The following RORB variants were observed in gnomAD, a reference collection of about 807,000 sequenced individuals.
The protein encoded by RORB is RAR related orphan receptor B.
In RORB, 6 loss-of-function variants were observed where a neutral mutation model predicts 59.1. That is an observed-to-expected ratio of 0.10 (90% CI 0.06 to 0.20). The LOEUF (loss-of-function observed/expected upper bound fraction) is 0.20, where lower values mean the gene tolerates loss of function less well. Ranked by LOEUF, RORB falls within the 10% of genes least tolerant of loss-of-function variation. The pLI is 1.00. For synonymous variants in RORB, 215 were observed against 204.5 expected, an observed-to-expected ratio of 1.05 and a Z score of -0.44; for missense variants, 320 against 560.5, an observed-to-expected ratio of 0.57 and a Z score of 4.33.
At chr9:74,582,860 T>C (rs1822744759) in intron 1 of RORB, among the ~76,000 whole-genome samples, 1 of 152,142 alleles carries the variant, frequency 6.6e-6, no homozygotes, top group African/African-American at 2.4e-5. Context: ...ATCTGAGTAG[T>C]GTATCTTGCA....
intron 9 of RORB, among the ~76,000 whole-genome samples, chr9:74,673,422 T>C (rs1400925891): frequency 1.3e-5 from 2 of 152,084 alleles, no homozygotes; most frequent in Non-Finnish European, 2.9e-5. Context: ...TCCGCTTGTA[T>C]GAAAACCATG....
intron 1 of RORB, among the ~76,000 whole-genome samples, chr9:74,566,038 T>G (rs1331508739): frequency 6.6e-6 from 1 of 152,152 alleles, no homozygotes; most frequent in African/African-American, 2.4e-5. Flanking sequence ...TTAATATGGG[T>G]GAAAAAGACC....
intron 1 of RORB, among the ~76,000 whole-genome samples, chr9:74,511,321 G>T (rs753587514): frequency 9.2e-5 from 14 of 152,082 alleles, no homozygotes; most frequent in Non-Finnish European, 1.2e-4. Context: ...ATGCAAAATT[G>T]TATGTACTAT....
chr9:74,628,011 A>G (rs1312001946), intron 1 of RORB, among the ~76,000 whole-genome samples: 1 of 152,198 alleles, frequency 6.6e-6, no homozygotes, highest in Non-Finnish European at 1.5e-5. Flanking sequence ...GTGCTTCTAC[A>G]TAAAATATCT....
chr9:74,633,884 T>G (rs1188427790), intron 2 of RORB, among the ~76,000 whole-genome samples: 2 of 152,050 alleles, frequency 1.3e-5, no homozygotes, highest in African/African-American at 2.4e-5. Flanking sequence ...TTTTCTTTTT[T>G]CAATGGTGTG....
chr9:74,601,673 C>A (rs1011974788), intron 1 of RORB, among the ~76,000 whole-genome samples: 1 of 152,120 alleles, frequency 6.6e-6, no homozygotes, highest in African/African-American at 2.4e-5. Flanking sequence ...GACTTCCTAC[C>A]GTGGGACATT....
chr9:74,547,102 A>G (rs921462695), intron 1 of RORB, among the ~76,000 whole-genome samples: 1 of 152,190 alleles, frequency 6.6e-6, no homozygotes, highest in African/African-American at 2.4e-5. Flanking sequence ...TCAAAAAAAT[A>G]AATTGTTGGA....
chr9:74,535,190 A>G (rs1226201925), intron 1 of RORB, among the ~76,000 whole-genome samples: 2 of 151,910 alleles, frequency 1.3e-5, no homozygotes, highest in Admixed American at 1.3e-4. Flanking sequence ...GTCTGTGTGT[A>G]CAACATTTTA....
intron 4 of RORB, 56 bp downstream of exon 4, chr9:74,642,871 T>A: frequency 7.3e-7 from 1 of 1,360,716 alleles, no homozygotes; most frequent in Non-Finnish European, 1.0e-6. Context: ...TGAATTTACC[T>A]TGGTCCTATT....
intron 1 of RORB, among the ~76,000 whole-genome samples, chr9:74,611,608 T>C (rs7869723): frequency 0.46 from 69,394 of 151,972 alleles, 16,307 homozygotes; most frequent in East Asian, 0.76. Flanking sequence ...AAGCAACTAG[T>C]GTGTATTCAC....
intron 1 of RORB, among the ~76,000 whole-genome samples, chr9:74,565,559 G>A (rs1287690919): frequency 6.6e-6 from 1 of 152,148 alleles, no homozygotes; most frequent in East Asian, 1.9e-4. Context: ...AATTTGATAA[G>A]TAGACGTGTG....
At chr9:74,584,406 ATTAC>A (rs1280517652) in intron 1 of RORB, among the ~76,000 whole-genome samples, 1 of 152,190 alleles carries the variant, frequency 6.6e-6, no homozygotes, top group African/African-American at 2.4e-5. Flanking sequence ...TGATAGCATA[ATTAC>A]TTATAGGGTT....
At chr9:74,663,170 G>C (rs1242809547) in intron 6 of RORB, among the ~76,000 whole-genome samples, 1 of 152,012 alleles carries the variant, frequency 6.6e-6, no homozygotes, top group Non-Finnish European at 1.5e-5. Context: ...TTACCAAACA[G>C]GAAAAAGAAA....
chr9:74,541,561 T>A (rs1826408436), intron 1 of RORB, among the ~76,000 whole-genome samples: 1 of 152,184 alleles, frequency 6.6e-6, no homozygotes, highest in Admixed American at 6.5e-5. Context: ...TGATTAATTA[T>A]TTTCCTAAAC....
At chr9:74,533,161 A>G (rs1018510861) in intron 1 of RORB, among the ~76,000 whole-genome samples, 2 of 151,884 alleles carry the variant, frequency 1.3e-5, no homozygotes, top group Non-Finnish European at 2.9e-5. Context: ...CCACACAAAC[A>G]TTGTTCAAAG....
In RORB at chr9:74,688,898, A is replaced by T. The variant is rs957768903; in HGVS notation, c.*3280A>T. On this transcript the variant is annotated 3_prime_UTR_variant, in exon 10 of 10. Transcript: ENST00000376896. Reference sequence around the variant, plus strand: ...TATACAAATCCTGAACAAGGAAAATACAGAAATCTAACTGGCATTAGATAA... The same window carrying T: ...TATACAAATCCTGAACAAGGAAAATTCAGAAATCTAACTGGCATTAGATAA... The T allele has an allele frequency of 1.3e-5, 2 of 152,216 alleles. No individual in the cohort carries two copies. The highest frequency in any genetic ancestry group is 6.5e-5 in the Admixed American group (1 of 15,276). The allele number at this position is 152,216 out of a possible 1,614,324, so 9.4% of individuals were successfully genotyped here. A position where few individuals can be genotyped will look rare whatever the true frequency, so the allele number is the denominator to read the frequency against.
intron 7 of RORB, 35 bp from the exon 8 acceptor site, chr9:74,667,756 A>G: frequency 1.5e-6 from 2 of 1,325,254 alleles, no homozygotes; most frequent in Middle Eastern, 1.8e-4. Flanking sequence ...TTCAAGTTCA[A>G]GTATTTTTAT....
chr9:74,631,742 C>T (rs969417028), intron 2 of RORB, among the ~76,000 whole-genome samples: 2 of 152,150 alleles, frequency 1.3e-5, no homozygotes, highest in African/African-American at 2.4e-5. Context: ...TTGTGAATAT[C>T]GTGAGATGTT....
At chr9:74,666,525 C>A (rs1218443412) in intron 7 of RORB, among the ~76,000 whole-genome samples, 1 of 151,158 alleles carries the variant, frequency 6.6e-6, no homozygotes, top group Non-Finnish European at 1.5e-5. Flanking sequence ...AAGAGCTGGG[C>A]TGAATTATAG....
Sources: allele counts gnomAD v4.1 joint callset (sites outside exome capture counted in the v4.1 genomes callset), GRCh38; gene constraint gnomAD v4.1.1; transcripts MANE v1.5; gene names NCBI Gene and HGNC (gene_info 2026-07-23, HGNC 2026-07-21).